The following USP3 variants were observed in gnomAD, a reference collection of about 807,000 sequenced individuals.
The protein encoded by USP3 is ubiquitin carboxyl-terminal hydrolase 3.
A neutral mutation model predicts 72.3 loss-of-function variants in USP3; 20 were observed. That is an observed-to-expected ratio of 0.28 (90% CI 0.19 to 0.40). The LOEUF (loss-of-function observed/expected upper bound fraction) is 0.40, where lower values mean the gene tolerates loss of function less well. Ranked by LOEUF, USP3 falls within the 10% of genes least tolerant of loss-of-function variation. The probability of loss-of-function intolerance (pLI) is 1.00; values close to 1 mark genes in which losing one functional copy is unlikely to be tolerated. For missense variants in USP3, 479 were observed against 633.9 expected (o/e 0.76, Z 2.62); for synonymous variants, 222 against 225.3 (o/e 0.99, Z 0.13).
Position 63,590,775 on chromosome 15 carries a change from C to T in USP3, c.1512C>T (p.Tyr504=). The part of the protein sequence containing the change: ...DEETVVKAKA[Y]ILFYVEHQAK... The stretch of plus-strand genomic sequence containing the variant: ...AGACTGTGGTGAAGGCGAAGGCCTA[C>T]ATCCTTTTCTACGTGGAACACCAGG... The change falls in exon 15 of 15, where the codon TAC becomes TAT. Residue 504 remains tyrosine (Y), a synonymous_variant. Coordinates refer to ENST00000380324, the MANE Select transcript of USP3 (RefSeq NM_006537.4). 6.2e-7 allele frequency: 1 copy of T among 1,614,194 alleles called. No homozygotes were observed.
intron 8 of USP3, among the ~76,000 whole-genome samples, chr15:63,565,347 T>G (rs1369489616): frequency 6.6e-6 from 1 of 152,228 alleles, no homozygotes; most frequent in Non-Finnish European, 1.5e-5. Flanking sequence ...GAAAATTTTC[T>G]TGAAGTTTTG....
intron 4 of USP3, among the ~76,000 whole-genome samples, chr15:63,555,375 G>A (rs2066492982): frequency 6.6e-6 from 1 of 152,186 alleles, no homozygotes; most frequent in Admixed American, 6.5e-5. Context: ...TTTCTGCAGT[G>A]ACAGAAATGT....
chr15:63,517,401 A>G (rs927831524), intron 1 of USP3, among the ~76,000 whole-genome samples: 2 of 151,978 alleles, frequency 1.3e-5, no homozygotes, highest in African/African-American at 4.8e-5. Flanking sequence ...TGCTCCCTGT[A>G]TGGTTTCTAT....
Position 63,588,600 on chromosome 15 carries a change from AG to A in USP3, c.1216-99del, listed in dbSNP as rs2152684814. Reference sequence around the variant, plus strand: ...AGGTATGCATGGAAGAATGATTGATAGGGCAGCTAAAATGTTATTTACTGAA... The same window carrying A: ...AGGTATGCATGGAAGAATGATTGATAGGCAGCTAAAATGTTATTTACTGAA... On this transcript the variant is annotated intron_variant, in intron 12 of 14. Coordinates refer to ENST00000380324, the MANE Select transcript of USP3 (RefSeq NM_006537.4). The surrounding 1 kb of genome is among the most constrained non-coding windows in gnomAD (Gnocchi z 4.6). The A allele has an allele frequency of 2.0e-6, 2 of 982,510 alleles. No individual in the cohort carries two copies. The highest frequency in any genetic ancestry group is 4.8e-5 in the East Asian group (2 of 41,922). The allele number at this position is 982,510 out of a possible 1,614,324, so 60.9% of individuals were successfully genotyped here.
intron 1 of USP3, among the ~76,000 whole-genome samples, chr15:63,513,833 G>A (rs770019534): frequency 2.6e-5 from 4 of 152,142 alleles, no homozygotes; most frequent in African/African-American, 7.2e-5. Context: ...TGAGATAATC[G>A]ATGGATGACA....
At chr15:63,562,607 C>A (rs2152674164) in intron 7 of USP3, among the ~76,000 whole-genome samples, 1 of 152,286 alleles carries the variant, frequency 6.6e-6, no homozygotes, top group African/African-American at 2.4e-5. Context: ...ATAACTCACC[C>A]AGTGCTGTAT....
rs768716559 is a variant in USP3, at chr15:63,574,070, G to A, written c.933G>A (p.Thr311=). The change falls in exon 10 of 15, where the codon ACG becomes ACA. Residue 311 remains threonine (T), a synonymous_variant. Transcript: ENST00000380324. The surrounding 1 kb of genome is among the most constrained non-coding windows in gnomAD (Gnocchi z 4.6). The stretch of plus-strand genomic sequence containing the variant: ...GAAATGGAGCATCTACTGTTGTCAC[G>A]GCTATATTCGGAGGCATTCTCCAAA... The part of the protein sequence containing the change: ...CCINGASTVV[T]AIFGGILQNE... 1.3e-6 allele frequency: 2 copies of A among 1,593,218 alleles called. No individual in the cohort carries two copies. Among genetic ancestry groups the A allele is most frequent in the African/African-American group, 1.3e-5 (1 of 74,684 alleles).
chr15:63,511,618 C>T (rs1262834856), intron 1 of USP3, among the ~76,000 whole-genome samples: 3 of 152,134 alleles, frequency 2.0e-5, no homozygotes, highest in East Asian at 1.9e-4. Context: ...AACCAGCCTC[C>T]TCACTATAGC....
intron 1 of USP3, among the ~76,000 whole-genome samples, chr15:63,512,907 T>C (rs11635129): frequency 0.46 from 69,799 of 152,148 alleles, 17,183 homozygotes; most frequent in Non-Finnish European, 0.56. Flanking sequence ...AGTGTTTGCA[T>C]TAGTTAGATG....
chr15:63,571,886 T>C (rs1209352778), intron 9 of USP3, among the ~76,000 whole-genome samples: 1 of 152,222 alleles, frequency 6.6e-6, no homozygotes, highest in East Asian at 1.9e-4. Context: ...CTTCAGTGCA[T>C]TGGAAAAGCC....
In USP3 at chr15:63,580,641, C is replaced by CATATATATATATATATATATATAT. The variant is rs1210661793; in HGVS notation, c.1096+6248_1096+6249insATATATATATATATATATATATAT. The stretch of plus-strand genomic sequence containing the variant: ...ATCTTAAGAGTTTCAGAAAGTGGTG[C>CATATATATATATATATATATATAT]ATATATATATGAATATATAATATAT... On this transcript the variant is annotated intron_variant, in intron 11 of 14. Transcript: ENST00000380324. Among the ~76,000 whole-genome samples, 121 of 49,470 alleles carry CATATATATATATATATATATATAT rather than the reference C, an allele frequency of 2.4e-3. 3 individuals are homozygous for CATATATATATATATATATATATAT. Among genetic ancestry groups the CATATATATATATATATATATATAT allele is most frequent in the African/African-American group, 0.01 (109 of 10,584 alleles). 32.5% of individuals were successfully genotyped at this position (49,470 alleles called of 152,430 possible).
At chr15:63,542,007 G>T in intron 3 of USP3, 3 of 977,644 alleles carry the variant, frequency 3.1e-6, no homozygotes, top group Non-Finnish European at 3.6e-6. Flanking sequence ...TTTCTTTACT[G>T]TTGCATAAAA....
chr15:63,511,629 T>A (rs1316873653), intron 1 of USP3, among the ~76,000 whole-genome samples: 2 of 152,298 alleles, frequency 1.3e-5, no homozygotes, highest in African/African-American at 4.8e-5. Flanking sequence ...TCACTATAGC[T>A]ATGGATAAAA....
At chr15:63,508,586 C>G (rs1383306673) in intron 1 of USP3, among the ~76,000 whole-genome samples, 1 of 152,174 alleles carries the variant, frequency 6.6e-6, no homozygotes, top group Non-Finnish European at 1.5e-5. Context: ...AGGGCATTCT[C>G]TCAAGCTTTT....
intron 2 of USP3, among the ~76,000 whole-genome samples, chr15:63,534,945 C>T (rs909486439): frequency 7.3e-6 from 1 of 137,378 alleles, no homozygotes; most frequent in African/African-American, 3.1e-5. Context: ...TATTTATTTA[C>T]TTATTGGACA....
intron 1 of USP3, among the ~76,000 whole-genome samples, chr15:63,512,647 G>A (rs1414142180): frequency 6.6e-6 from 1 of 151,704 alleles, no homozygotes; most frequent in Admixed American, 6.6e-5. Context: ...GTTTCACTGT[G>A]TTGGCCAGGC....
intron 1 of USP3, among the ~76,000 whole-genome samples, chr15:63,505,612 GGCTTTTGAGTA>G (rs376054119): frequency 2.0e-4 from 30 of 152,238 alleles, no homozygotes; most frequent in Middle Eastern, 3.4e-3. Flanking sequence ...ATTTATATAA[GGCTTTTGAGTA>G]GCTTAAGCGT....
intron 3 of USP3, among the ~76,000 whole-genome samples, chr15:63,547,649 G>A (rs2066349651): frequency 6.6e-6 from 1 of 151,850 alleles, no homozygotes; most frequent in South Asian, 2.1e-4. Flanking sequence ...AGGATCGCTT[G>A]AGTCCAGGAG....
chr15:63,578,974 C>A, intron 11 of USP3, among the ~76,000 whole-genome samples: 1 of 152,052 alleles, frequency 6.6e-6, no homozygotes. Context: ...TCTAGAAGCC[C>A]TCAATTTTTA....
Sources: gnomAD v4.1 joint callset for allele counts (sites outside exome capture counted in the v4.1 genomes callset) on GRCh38, gnomAD v4.1.1 for gene constraint, Gnocchi (gnomAD v3.1) non-coding constraint, MANE v1.5 for transcripts, NCBI Gene and HGNC (gene_info 2026-07-23, HGNC 2026-07-21) for gene names.